XKR6: variants seen among roughly 807,000 people sequenced by gnomAD.
The protein encoded by XKR6 is XK-related protein 6.
XKR6 carries 22 observed loss-of-function variants against 56.7 expected under a neutral mutation model. That is an observed-to-expected ratio of 0.39 (90% CI 0.28 to 0.55). The LOEUF (loss-of-function observed/expected upper bound fraction) is 0.55, where lower values mean the gene tolerates loss of function less well. Among genes scored for constraint, XKR6 ranks in the 20% least tolerant of loss-of-function variants. XKR6 has a pLI of 0.66. For synonymous variants in XKR6, 524 were observed against 387.8 expected, an observed-to-expected ratio of 1.35 and a Z score of -4.13; for missense variants, 852 against 889.0, an observed-to-expected ratio of 0.96 and a Z score of 0.53.
chr8:11,072,482 T>A (rs1362410036), intron 1 of XKR6, among the ~76,000 whole-genome samples: 3 of 152,238 alleles, frequency 2.0e-5, no homozygotes, highest in Non-Finnish European at 4.4e-5. Context: ...AACAACCACA[T>A]TGCACAAGGA....
At chr8:10,914,863 G>C (rs148080545) in intron 2 of XKR6, among the ~76,000 whole-genome samples, 118 of 152,272 alleles carry the variant, frequency 7.7e-4, no homozygotes, top group South Asian at 1.7e-3. Context: ...CTCCTCCCTG[G>C]CTGCCCTCAG....
intron 1 of XKR6, among the ~76,000 whole-genome samples, chr8:11,019,570 G>A (rs1200513654): frequency 3.3e-5 from 5 of 152,186 alleles, no homozygotes; most frequent in Non-Finnish European, 7.3e-5. Flanking sequence ...AGAACGCGCA[G>A]GTGACATTCC....
chr8:11,044,212 C>T (rs772083593), intron 1 of XKR6, among the ~76,000 whole-genome samples: 3 of 152,316 alleles, frequency 2.0e-5, no homozygotes, highest in South Asian at 2.1e-4. Context: ...CACCTTTTAA[C>T]GTACAGAACC....
At chr8:10,983,522 C>T (rs1008861722) in intron 1 of XKR6, among the ~76,000 whole-genome samples, 1 of 152,184 alleles carries the variant, frequency 6.6e-6, no homozygotes, top group Non-Finnish European at 1.5e-5. Flanking sequence ...ATAGTCATCA[C>T]AGAGCAGAAC....
At chr8:11,178,292 CAAT>C (rs1802764336) in intron 1 of XKR6, among the ~76,000 whole-genome samples, 2 of 151,860 alleles carry the variant, frequency 1.3e-5, no homozygotes, top group African/African-American at 4.8e-5. Flanking sequence ...CCTCAAGGAT[CAAT>C]AATAGTAAGA....
At chr8:11,023,220 T>G (rs1798786378) in intron 1 of XKR6, among the ~76,000 whole-genome samples, 1 of 152,150 alleles carries the variant, frequency 6.6e-6, no homozygotes, top group Non-Finnish European at 1.5e-5. Context: ...GGCCCTGCAT[T>G]TTCTGCACCC....
intron 1 of XKR6, among the ~76,000 whole-genome samples, chr8:11,081,901 G>C (rs376695077): frequency 6.6e-6 from 1 of 152,196 alleles, no homozygotes; most frequent in Admixed American, 6.5e-5. Context: ...CTTGCCCCTC[G>C]AGGTGGGACT....
chr8:11,039,889 T>C (rs150944060), intron 1 of XKR6, among the ~76,000 whole-genome samples: 2,216 of 152,322 alleles, frequency 0.015, 54 homozygotes, highest in African/African-American at 0.051. Context: ...CAAAAGGACA[T>C]CAGCCCGTTA....
chr8:11,102,388 G>T (rs540161683), intron 1 of XKR6, among the ~76,000 whole-genome samples: 41 of 152,116 alleles, frequency 2.7e-4, no homozygotes, highest in Non-Finnish European at 4.4e-4. Flanking sequence ...CATCATCAAT[G>T]TGCAAAAATA....
intron 1 of XKR6, among the ~76,000 whole-genome samples, chr8:11,179,864 G>A (rs1435070628): frequency 5.9e-5 from 9 of 152,244 alleles, no homozygotes; most frequent in Non-Finnish European, 1.2e-4. Context: ...CCGGCACACT[G>A]GCTCATGCCA....
intron 1 of XKR6, among the ~76,000 whole-genome samples, chr8:11,167,721 A>G (rs1274248333): frequency 3.3e-5 from 5 of 152,154 alleles, no homozygotes; most frequent in Non-Finnish European, 2.9e-5. Flanking sequence ...CTGGCTCACT[A>G]TTGAAGGAGG....
chr8:11,167,885 T>A (rs1293366891), intron 1 of XKR6, among the ~76,000 whole-genome samples: 17 of 99,272 alleles, frequency 1.7e-4, no homozygotes, highest in Admixed American at 4.7e-4. Flanking sequence ...TAAGACCCCA[T>A]CTCTTAAAAA....
chr8:11,041,714 C>T (rs1035036552), intron 1 of XKR6, among the ~76,000 whole-genome samples: 1 of 152,098 alleles, frequency 6.6e-6, no homozygotes, highest in African/African-American at 2.4e-5. Flanking sequence ...GGCCCAGGGC[C>T]CTGGGGGCTC....
intron 1 of XKR6, among the ~76,000 whole-genome samples, chr8:11,107,459 T>C (rs60921132): frequency 6.6e-6 from 1 of 151,980 alleles, no homozygotes; most frequent in Admixed American, 6.6e-5. Context: ...TGCTAGGATT[T>C]TAGGCGTGAG....
At chr8:10,967,058 AC>A (rs1802247549) in intron 1 of XKR6, among the ~76,000 whole-genome samples, 1 of 152,104 alleles carries the variant, frequency 6.6e-6, no homozygotes, top group Non-Finnish European at 1.5e-5. Context: ...CAGAGGCTGC[AC>A]CCCTGCATCT....
At chr8:11,173,965 G>C (rs569067976) in intron 1 of XKR6, among the ~76,000 whole-genome samples, 1 of 152,208 alleles carries the variant, frequency 6.6e-6, no homozygotes, top group Non-Finnish European at 1.5e-5. Context: ...CGGGTGCTTT[G>C]GGATGAGGGG....
chr8:11,043,510 C>T (rs920542268), intron 1 of XKR6, among the ~76,000 whole-genome samples: 2 of 152,228 alleles, frequency 1.3e-5, no homozygotes, highest in South Asian at 2.1e-4. Context: ...GTTTTACGTC[C>T]CCTGAGCCTC....
chr8:10,901,819 C>A (rs964086769), intron 2 of XKR6, among the ~76,000 whole-genome samples: 5 of 152,168 alleles, frequency 3.3e-5, no homozygotes, highest in Non-Finnish European at 5.9e-5. Context: ...TTTGAGCAGA[C>A]TTGGGGTGCA....
At chr8:11,113,539 C>T (rs748211636) in intron 1 of XKR6, among the ~76,000 whole-genome samples, 1 of 152,152 alleles carries the variant, frequency 6.6e-6, no homozygotes, top group Non-Finnish European at 1.5e-5. Flanking sequence ...AACAAACACA[C>T]ACATACATAA....
Sources: allele counts gnomAD v4.1 joint callset (sites outside exome capture counted in the v4.1 genomes callset), GRCh38; gene constraint gnomAD v4.1.1; transcripts MANE v1.5; gene names NCBI Gene and HGNC (gene_info 2026-07-23, HGNC 2026-07-21).